ARHGEF10: variants seen among roughly 807,000 people sequenced by gnomAD.
The protein encoded by ARHGEF10 is Rho guanine nucleotide exchange factor 10.
In ARHGEF10, 140 loss-of-function variants were observed where a neutral mutation model predicts 147.4. That is an observed-to-expected ratio of 0.95 (90% CI 0.83 to 1.09). The LOEUF is 1.09. Among genes scored for constraint, ARHGEF10 ranks in the 50% least tolerant of loss-of-function variants. The probability of loss-of-function intolerance (pLI) is 0.00; values close to 1 mark genes in which losing one functional copy is unlikely to be tolerated. For synonymous variants in ARHGEF10, 902 were observed against 695.8 expected (o/e 1.30, Z -4.67); for missense variants, 2,222 against 1,752.7 (o/e 1.27, Z -4.78).
At chr8:1,923,377 T>G in intron 19 of ARHGEF10, 91 bp from the exon 20 acceptor site, 1 of 1,566,582 alleles carries the variant, frequency 6.4e-7, no homozygotes, top group South Asian at 1.1e-5. Context: ...TGGTCTGAAT[T>G]TCTCATATTA....
At chr8:1,956,530 A>G (rs1815578518) in intron 28 of ARHGEF10, among the ~76,000 whole-genome samples, 2 of 152,350 alleles carry the variant, frequency 1.3e-5, no homozygotes, top group Admixed American at 6.5e-5. Context: ...TCTATTTTAG[A>G]AAATCATTTT....
Position 1,958,286 on chromosome 8 carries a change from T to C in ARHGEF10, c.*1023T>C, listed in dbSNP as rs1434314322. On this transcript the variant is annotated 3_prime_UTR_variant, in exon 29 of 29. Coordinates refer to ENST00000349830, the MANE Select transcript of ARHGEF10 (RefSeq NM_014629.4). Reference sequence around the variant, plus strand: ...CTGTCTGTTGTGCAGACGCCTCCTCTGCAGAACGCATCAGTTTCTATTCTG... The same window carrying C: ...CTGTCTGTTGTGCAGACGCCTCCTCCGCAGAACGCATCAGTTTCTATTCTG... 6.6e-6 allele frequency: 1 copy of C among 152,244 alleles called. No homozygotes were observed. The highest frequency in any genetic ancestry group is 1.5e-5 in the Non-Finnish European group (1 of 68,052). The allele number at this position is 152,244 out of a possible 1,614,324, so 9.4% of individuals were successfully genotyped here. A position where few individuals can be genotyped will look rare whatever the true frequency, so the allele number is the denominator to read the frequency against.
chr8:1,928,798 C>A, intron 24 of ARHGEF10, 148 bp downstream of exon 24: 3 of 838,006 alleles, frequency 3.6e-6, no homozygotes, highest in Non-Finnish European at 5.8e-6. Flanking sequence ...TTTTTAGGGT[C>A]ATTGCACTTT....
At chr8:1,828,240 G>A (rs576562581) in intron 1 of ARHGEF10, among the ~76,000 whole-genome samples, 10 of 152,332 alleles carry the variant, frequency 6.6e-5, no homozygotes, top group Admixed American at 2.0e-4. Flanking sequence ...CCCGTGGCTT[G>A]TTGTCCAGCT....
At chr8:1,828,862 C>T (rs1802921565) in intron 1 of ARHGEF10, among the ~76,000 whole-genome samples, 1 of 151,988 alleles carries the variant, frequency 6.6e-6, no homozygotes, top group Admixed American at 6.6e-5. Context: ...GTGGCATGCG[C>T]ACTTACTGTT....
At chr8:1,904,624 AGCCCAGAG>A (rs889888110) in intron 16 of ARHGEF10, among the ~76,000 whole-genome samples, 215 of 152,292 alleles carry the variant, frequency 1.4e-3, no homozygotes, top group African/African-American at 4.9e-3. Context: ...GCACGGAGCA[AGCCCAGAG>A]GCCCAGGAAG....
intron 2 of ARHGEF10, 134 bp downstream of exon 2, chr8:1,843,570 G>T: frequency 1.3e-6 from 1 of 757,950 alleles, no homozygotes; most frequent in Non-Finnish European, 2.3e-6. Flanking sequence ...GGGAGAAAGA[G>T]AAGGTTCTGA....
intron 28 of ARHGEF10, among the ~76,000 whole-genome samples, chr8:1,955,521 A>G (rs1201563251): frequency 6.7e-6 from 1 of 149,408 alleles, no homozygotes; most frequent in Non-Finnish European, 1.5e-5. Context: ...ATGGGTAGCT[A>G]GGAGCATCCT....
chr8:1,883,237 A>G (rs944705814), intron 10 of ARHGEF10, among the ~76,000 whole-genome samples: 4 of 152,098 alleles, frequency 2.6e-5, no homozygotes, highest in Non-Finnish European at 2.9e-5. Context: ...TTATGTGTGG[A>G]AAAGGCAGGT....
chr8:1,928,286 G>T (rs1812836941), intron 23 of ARHGEF10, 141 bp from the exon 24 acceptor site: 2 of 795,054 alleles, frequency 2.5e-6, no homozygotes, highest in East Asian at 2.5e-5. Flanking sequence ...AATTGTTTAA[G>T]AATTTTTTTT....
intron 1 of ARHGEF10, among the ~76,000 whole-genome samples, chr8:1,842,817 TCA>T (rs1804197560): frequency 6.6e-6 from 1 of 152,010 alleles, no homozygotes; most frequent in South Asian, 2.1e-4. Flanking sequence ...TAGACAAGAA[TCA>T]CAACAGCAGG....
chr8:1,934,038 G>C, intron 26 of ARHGEF10, 96 bp downstream of exon 26: 1 of 1,556,574 alleles, frequency 6.4e-7, no homozygotes, highest in Non-Finnish European at 8.8e-7. Flanking sequence ...CTTGCCTGTG[G>C]CTAAATTTCC....
intron 16 of ARHGEF10, 133 bp from the exon 17 acceptor site, chr8:1,905,438 A>C: frequency 8.9e-7 from 1 of 1,123,070 alleles, no homozygotes; most frequent in Non-Finnish European, 1.3e-6. Flanking sequence ...AGTCACGGGG[A>C]ACATAGGAAC....
chr8:1,935,691 T>A (rs1264682182), intron 26 of ARHGEF10, among the ~76,000 whole-genome samples: 3 of 152,230 alleles, frequency 2.0e-5, no homozygotes, highest in African/African-American at 7.2e-5. Flanking sequence ...GAGGAGCTTG[T>A]GCACGCACAT....
intron 1 of ARHGEF10, among the ~76,000 whole-genome samples, chr8:1,830,825 G>A (rs1378307404): frequency 6.6e-6 from 1 of 152,244 alleles, no homozygotes; most frequent in Admixed American, 6.5e-5. Flanking sequence ...ATTTGAAATT[G>A]AATAGGAGCC....
At chr8:1,891,129 G>C (rs562958800) in intron 11 of ARHGEF10, among the ~76,000 whole-genome samples, 1 of 152,328 alleles carries the variant, frequency 6.6e-6, no homozygotes, top group African/African-American at 2.4e-5. Context: ...TGTTAGCACA[G>C]TGCCGTCACT....
intron 27 of ARHGEF10, 91 bp from the exon 28 acceptor site, chr8:1,952,614 A>G (rs1815144886): frequency 6.5e-7 from 1 of 1,542,222 alleles, no homozygotes; most frequent in Admixed American, 1.7e-5. Flanking sequence ...TGGTGGCACG[A>G]CAGGCCTGTG....
At position 1,832,835 on chromosome 8, in the gene ARHGEF10, C is replaced by CAGAGACAGAGGCAGAG. The variant is rs1423692459; in HGVS notation, c.-48+8739_-48+8754dup. Among the ~76,000 whole-genome samples the CAGAGACAGAGGCAGAG allele has an allele frequency of 4.7e-3, 164 of 35,140 alleles. 6 individuals are homozygous for CAGAGACAGAGGCAGAG. Among genetic ancestry groups the CAGAGACAGAGGCAGAG allele is most frequent in the East Asian group, 6.0e-3 (6 of 1,002 alleles). 23.1% of individuals were successfully genotyped at this position (35,140 alleles called of 152,430 possible). On this transcript the variant is annotated intron_variant, in intron 1 of 28. Coordinates refer to ENST00000349830, the MANE Select transcript of ARHGEF10 (RefSeq NM_014629.4). The stretch of plus-strand genomic sequence containing the variant: ...ACAGAGGCAGAGAGAGAGGCAGAGG[C>CAGAGACAGAGGCAGAG]AGAGACAGAGGCAGAGAGAGACAGA...
At chr8:1,911,368 C>T (rs1280401332) in intron 18 of ARHGEF10, among the ~76,000 whole-genome samples, 3 of 152,110 alleles carry the variant, frequency 2.0e-5, no homozygotes, top group Non-Finnish European at 4.4e-5. Flanking sequence ...CATCTTTTTG[C>T]CCAATGCCTT....
Sources: gnomAD v4.1 joint callset for allele counts (sites outside exome capture counted in the v4.1 genomes callset) on GRCh38, gnomAD v4.1.1 for gene constraint, MANE v1.5 for transcripts, NCBI Gene and HGNC (gene_info 2026-07-23, HGNC 2026-07-21) for gene names.